MORC1: variants seen among roughly 807,000 people sequenced by gnomAD.
The protein encoded by MORC1 is MORC family CW-type zinc finger 1.
Under a neutral mutation model 134.9 loss-of-function variants are expected in MORC1, and 59 were observed. The ratio of observed to expected loss-of-function variants is 0.44; its 90% CI spans 0.35 to 0.54. The LOEUF (loss-of-function observed/expected upper bound fraction) is 0.54. Among genes scored for constraint, MORC1 ranks in the 20% least tolerant of loss-of-function variants. The probability of loss-of-function intolerance (pLI) is 0.00; values close to 1 mark genes in which losing one functional copy is unlikely to be tolerated. For synonymous variants in MORC1, 395 were observed against 391.7 expected (o/e 1.01, Z -0.10); for missense variants, 947 against 1,134.5 (o/e 0.83, Z 2.37).
intron 18 of MORC1, among the ~76,000 whole-genome samples, chr3:109,006,639 G>A (rs1365268431): frequency 1.3e-5 from 2 of 151,844 alleles, no homozygotes; most frequent in East Asian, 3.9e-4. Flanking sequence ...AGACATTTGA[G>A]GAATATAACG....
At chr3:109,028,541 A>G (rs1422212328) in intron 16 of MORC1, among the ~76,000 whole-genome samples, 1 of 152,200 alleles carries the variant, frequency 6.6e-6, no homozygotes, top group Non-Finnish European at 1.5e-5. Flanking sequence ...TAGTAAATAC[A>G]TAATAATGTA....
At chr3:108,978,009 C>T (rs2107431978) in intron 24 of MORC1, among the ~76,000 whole-genome samples, 1 of 152,302 alleles carries the variant, frequency 6.6e-6, no homozygotes, top group East Asian at 1.9e-4. Context: ...TCCCTAGCAG[C>T]TGGGACTACA....
At chr3:109,025,071 G>C (rs1026445546) in intron 17 of MORC1, among the ~76,000 whole-genome samples, 13 of 152,274 alleles carry the variant, frequency 8.5e-5, no homozygotes, top group African/African-American at 3.1e-4. Flanking sequence ...TCTTTCAGAG[G>C]TCTTCTGTTC....
intron 8 of MORC1, among the ~76,000 whole-genome samples, chr3:109,075,510 C>T (rs568213396): frequency 9.9e-5 from 15 of 152,116 alleles, no homozygotes; most frequent in Admixed American, 2.0e-4. Context: ...TTCAGTTTTC[C>T]GCATATGGCT....
At chr3:109,098,039 C>T (rs1342606514) in intron 6 of MORC1, among the ~76,000 whole-genome samples, 1 of 152,074 alleles carries the variant, frequency 6.6e-6, no homozygotes, top group Non-Finnish European at 1.5e-5. Context: ...TTTAGAGATA[C>T]ATAGGTAAAT....
intron 9 of MORC1, among the ~76,000 whole-genome samples, chr3:109,068,861 G>A (rs775093650): frequency 5.9e-5 from 9 of 152,164 alleles, no homozygotes; most frequent in South Asian, 4.1e-4. Flanking sequence ...CTTAAAGGCC[G>A]GGCCTGGTGG....
At chr3:109,040,144 G>C (rs1949475440) in intron 14 of MORC1, among the ~76,000 whole-genome samples, 2 of 151,594 alleles carry the variant, frequency 1.3e-5, no homozygotes, top group Admixed American at 1.3e-4. Context: ...AGAAGGAAGA[G>C]ACTCTGATTT....
At chr3:108,984,957 T>G (rs969562560) in intron 22 of MORC1, among the ~76,000 whole-genome samples, 175 bp from the exon 23 acceptor site, 1 of 152,238 alleles carries the variant, frequency 6.6e-6, no homozygotes. Context: ...TAAGGTAGTT[T>G]ATAATGTTTT....
At chr3:108,997,773 A>G (rs1378130311) in intron 21 of MORC1, among the ~76,000 whole-genome samples, 1 of 152,074 alleles carries the variant, frequency 6.6e-6, no homozygotes, top group East Asian at 1.9e-4. Context: ...TTTTCATTTC[A>G]CTAGAAATTG....
At chr3:108,967,186 T>C (rs971314084) in intron 26 of MORC1, among the ~76,000 whole-genome samples, 1 of 152,204 alleles carries the variant, frequency 6.6e-6, no homozygotes, top group African/African-American at 2.4e-5. Flanking sequence ...CTGCTCATCA[T>C]CTATGCTAAC....
chr3:109,006,148 T>C (rs1219452932), intron 18 of MORC1, among the ~76,000 whole-genome samples: 1 of 152,216 alleles, frequency 6.6e-6, no homozygotes, highest in Non-Finnish European at 1.5e-5. Context: ...TTTCTTCATC[T>C]TGCTCTCAGA....
intron 4 of MORC1, 93 bp downstream of exon 4, chr3:109,103,756 C>A: frequency 8.6e-7 from 1 of 1,162,988 alleles, no homozygotes; most frequent in Non-Finnish European, 1.3e-6. Flanking sequence ...AGCTCCATAC[C>A]TGTTTTTGCA....
At chr3:109,085,304 T>C (rs1168545213) in intron 8 of MORC1, among the ~76,000 whole-genome samples, 1 of 152,006 alleles carries the variant, frequency 6.6e-6, no homozygotes, top group Non-Finnish European at 1.5e-5. Context: ...AAGAAGATAG[T>C]CAACAAAGTG....
chr3:109,057,317 A>G (rs200784888), intron 13 of MORC1, 26 bp downstream of exon 13: 7 of 1,598,774 alleles, frequency 4.4e-6, no homozygotes, highest in Non-Finnish European at 6.0e-6. Context: ...CTCTGCTTAT[A>G]TCTCTGAAAG....
chr3:109,079,642 C>T lies in MORC1; in HGVS notation c.690-9885G>A, dbSNP rs191478636. Among the ~76,000 whole-genome samples the T allele has an allele frequency of 3.3e-3, 502 of 152,064 alleles. 2 individuals are homozygous for T. Among genetic ancestry groups the T allele is most frequent in the Non-Finnish European group, 4.5e-3 (307 of 67,946 alleles). ...ACCTACTATTACCACTTCTATTTAA[C>T]TAGCCAACTAAATTAAGAAAAAAGA... On this transcript the variant is annotated intron_variant, in intron 8 of 27. Coordinates refer to ENST00000232603, the MANE Select transcript of MORC1 (RefSeq NM_014429.4).
At position 108,986,885 on chromosome 3, in the gene MORC1, T is replaced by C. The variant is rs1471868602; in HGVS notation, c.2252A>G (p.Asn751Ser). Reference sequence around the variant, plus strand: ...ATGAGCTGATTTTTTTTTACCTTGGTTTAAAAGAGGAATTTCCTTTTTTTC... The same window carrying C: ...ATGAGCTGATTTTTTTTTACCTTGGCTTAAAAGAGGAATTTCCTTTTTTTC... ...KQEKKEIPLL[N>S]QEKQELCNDV... The change falls in exon 22 of 28, where the codon AAC becomes AGC. Residue 751 changes from asparagine (N) to serine (S), a missense_variant. Physicochemically the swap from Asn to Ser is conservative, Grantham distance 46 (BLOSUM62 1). Around this residue, in one of 3 missense-constraint regions of MORC1, gnomAD observed 722 missense variants for 817.0 expected, o/e 0.88. Transcript: ENST00000232603. 6.4e-7 allele frequency: 1 copy of C among 1,558,660 alleles called. No homozygotes were observed.
intron 14 of MORC1, among the ~76,000 whole-genome samples, chr3:109,048,812 G>A (rs1221880453): frequency 6.6e-6 from 1 of 152,028 alleles, no homozygotes; most frequent in Non-Finnish European, 1.5e-5. Context: ...TAGTCAGACT[G>A]CATTAGGGCC....
At chr3:109,019,088 A>G (rs1948895897) in intron 17 of MORC1, 1 of 152,202 alleles carries the variant, frequency 6.6e-6, no homozygotes, top group Admixed American at 6.5e-5. Flanking sequence ...GAAATGACCT[A>G]TAGACATGAT....
intron 26 of MORC1, among the ~76,000 whole-genome samples, chr3:108,969,361 G>A (rs545149675): frequency 2.6e-5 from 4 of 152,230 alleles, no homozygotes; most frequent in African/African-American, 9.6e-5. Flanking sequence ...TAAAATTTCT[G>A]CTTCAGTCTA....
Sources: allele counts gnomAD v4.1 joint callset (sites outside exome capture counted in the v4.1 genomes callset), GRCh38; gene constraint gnomAD v4.1.1; regional missense constraint gnomAD v4.1.1; transcripts MANE v1.5; gene names NCBI Gene and HGNC (gene_info 2026-07-23, HGNC 2026-07-21).